CDIN1: variants seen among roughly 807,000 people sequenced by gnomAD.
CDIN1 encodes CDAN1-interacting nuclease 1.
Under a neutral mutation model 45.3 loss-of-function variants are expected in CDIN1, and 33 were observed. The ratio of observed to expected loss-of-function variants is 0.73; its 90% CI spans 0.55 to 0.97. CDIN1 has a LOEUF of 0.97. Among genes scored for constraint, CDIN1 ranks in the 50% least tolerant of loss-of-function variants. CDIN1 has a pLI of 0.00. For synonymous variants in CDIN1, 118 were observed against 124.4 expected (o/e 0.95, Z 0.34); for missense variants, 303 against 339.4 (o/e 0.89, Z 0.84).
At chr15:36,730,050 C>G (rs1460024763) in intron 10 of CDIN1, among the ~76,000 whole-genome samples, 1 of 152,160 alleles carries the variant, frequency 6.6e-6, no homozygotes, top group Non-Finnish European at 1.5e-5. Context: ...TAACCCACAT[C>G]TACTCACATG....
chr15:36,606,465 C>T (rs1308617536), intron 1 of CDIN1, among the ~76,000 whole-genome samples: 1 of 152,056 alleles, frequency 6.6e-6, no homozygotes, highest in Non-Finnish European at 1.5e-5. Flanking sequence ...TAGAGGTGTA[C>T]CCATAAAGAG....
chr15:36,774,664 G>T (rs1566965163), intron 10 of CDIN1, among the ~76,000 whole-genome samples: 1 of 152,130 alleles, frequency 6.6e-6, no homozygotes, highest in African/African-American at 2.4e-5. Context: ...AACAGTTGCA[G>T]ATTTGACTCT....
At chr15:36,609,592 C>T (rs1284913105) in intron 1 of CDIN1, among the ~76,000 whole-genome samples, 1 of 152,108 alleles carries the variant, frequency 6.6e-6, no homozygotes, top group Non-Finnish European at 1.5e-5. Context: ...AGTTCTATTG[C>T]TTTTACAAAG....
intron 10 of CDIN1, among the ~76,000 whole-genome samples, chr15:36,756,780 C>G (rs1273326334): frequency 6.6e-6 from 1 of 152,138 alleles, no homozygotes; most frequent in Non-Finnish European, 1.5e-5. Context: ...ACCACACTCC[C>G]TTTCTTTCTG....
At chr15:36,774,047 G>A (rs1428951232) in intron 10 of CDIN1, among the ~76,000 whole-genome samples, 1 of 151,942 alleles carries the variant, frequency 6.6e-6, no homozygotes, top group Non-Finnish European at 1.5e-5. Context: ...TGCAGTACTG[G>A]GAGTCAGAGA....
intron 1 of CDIN1, among the ~76,000 whole-genome samples, chr15:36,631,047 ATGCC>A (rs1253884225): frequency 6.6e-6 from 1 of 152,212 alleles, no homozygotes; most frequent in Non-Finnish European, 1.5e-5. Context: ...ACTATAGCGG[ATGCC>A]TACCAGAAAT....
chr15:36,642,151 C>T (rs936285698), intron 1 of CDIN1, among the ~76,000 whole-genome samples: 1 of 152,196 alleles, frequency 6.6e-6, no homozygotes, highest in Non-Finnish European at 1.5e-5. Context: ...TCAGCATTAA[C>T]ACGTTGGAAG....
At chr15:36,635,314 T>C (rs1482324461) in intron 1 of CDIN1, among the ~76,000 whole-genome samples, 2 of 152,226 alleles carry the variant, frequency 1.3e-5, no homozygotes, top group African/African-American at 2.4e-5. Flanking sequence ...TTTTATGAGA[T>C]AGTTTTTCAA....
chr15:36,701,086 GTAGGTAGGTAGGTAGATAGATAGATAGA>G (rs906890919), intron 8 of CDIN1, among the ~76,000 whole-genome samples: 3 of 147,110 alleles, frequency 2.0e-5, no homozygotes, highest in African/African-American at 7.6e-5. Flanking sequence ...AAATAGGTAG[GTAGGTAGGTAGGTAGATAGATAGATAGA>G]TAGGTAGGTA....
At chr15:36,634,473 A>G (rs1380831101) in intron 1 of CDIN1, among the ~76,000 whole-genome samples, 2 of 152,146 alleles carry the variant, frequency 1.3e-5, no homozygotes, top group East Asian at 1.9e-4. Context: ...ACACATTTCT[A>G]AATACTTTAT....
chr15:36,587,141 C>T (rs2037340811), intron 1 of CDIN1, among the ~76,000 whole-genome samples: 1 of 152,122 alleles, frequency 6.6e-6, no homozygotes, highest in African/African-American at 2.4e-5. Context: ...TATATCTTTG[C>T]CCTTAGAGAT....
chr15:36,771,897 C>T (rs1442304995), intron 10 of CDIN1, among the ~76,000 whole-genome samples: 1 of 144,158 alleles, frequency 6.9e-6, no homozygotes, highest in East Asian at 2.0e-4. Context: ...CATTGCACTC[C>T]AGCCTGGGTG....
At chr15:36,786,830 C>T (rs1170095369) in intron 10 of CDIN1, among the ~76,000 whole-genome samples, 1 of 152,112 alleles carries the variant, frequency 6.6e-6, no homozygotes, top group Non-Finnish European at 1.5e-5. Context: ...AGATGTCTTG[C>T]TCCTTATCCT....
At chr15:36,769,609 G>GCCTAT (rs1455338388) in intron 10 of CDIN1, among the ~76,000 whole-genome samples, 1 of 152,192 alleles carries the variant, frequency 6.6e-6, no homozygotes, top group Non-Finnish European at 1.5e-5. Context: ...CCATAGCCTA[G>GCCTAT]CCTAAGTTAA....
chr15:36,666,368 C>T (rs967952290), intron 5 of CDIN1, among the ~76,000 whole-genome samples: 8 of 152,166 alleles, frequency 5.3e-5, no homozygotes, highest in East Asian at 1.9e-4. Flanking sequence ...GTTGATTAGC[C>T]GCTAAACCTA....
At chr15:36,653,916 T>G (rs151291350) in intron 3 of CDIN1, among the ~76,000 whole-genome samples, 182 bp from the exon 4 acceptor site, 148 of 152,292 alleles carry the variant, frequency 9.7e-4, no homozygotes, top group African/African-American at 3.3e-3. Context: ...GCCAGTGGTT[T>G]TGAGGTGAGT....
At chr15:36,589,708 GT>G (rs771815119) in intron 1 of CDIN1, among the ~76,000 whole-genome samples, 10 of 152,116 alleles carry the variant, frequency 6.6e-5, no homozygotes, top group Non-Finnish European at 1.5e-4. Flanking sequence ...GTTTCACCGT[GT>G]TAGCCAGGAT....
chr15:36,601,987 T>C (rs996105479), intron 1 of CDIN1, among the ~76,000 whole-genome samples: 1 of 152,226 alleles, frequency 6.6e-6, no homozygotes, highest in African/African-American at 2.4e-5. Flanking sequence ...GTATTCATAG[T>C]GATAAAGCTA....
chr15:36,680,456 G>A (rs1285648317), intron 5 of CDIN1, among the ~76,000 whole-genome samples: 1 of 152,104 alleles, frequency 6.6e-6, no homozygotes, highest in Non-Finnish European at 1.5e-5. Flanking sequence ...ATATTTCCAT[G>A]AAAAAGATAG....
Sources: allele counts gnomAD v4.1 joint callset (sites outside exome capture counted in the v4.1 genomes callset), GRCh38; gene constraint gnomAD v4.1.1; transcripts MANE v1.5; gene names NCBI Gene and HGNC (gene_info 2026-07-23, HGNC 2026-07-21).